The following CDK19 variants were observed in gnomAD, a reference collection of about 807,000 sequenced individuals.
CDK19 encodes cyclin dependent kinase 19.
In CDK19, 20 loss-of-function variants were observed where a neutral mutation model predicts 68.3. The observed-to-expected ratio is 0.29, with a 90% CI of 0.21 to 0.43. The LOEUF (loss-of-function observed/expected upper bound fraction) is 0.43. Ranked by LOEUF, CDK19 falls within the 20% of genes least tolerant of loss-of-function variation. The pLI is 1.00. For missense variants in CDK19, 339 were observed against 623.5 expected (o/e 0.54, Z 4.86); for synonymous variants, 221 against 222.8 (o/e 0.99, Z 0.07).
At chr6:110,767,562 G>A (rs556882846) in intron 1 of CDK19, among the ~76,000 whole-genome samples, 51 of 145,460 alleles carry the variant, frequency 3.5e-4, no homozygotes, top group South Asian at 4.8e-4. Flanking sequence ...CACCATGTTG[G>A]CCAGGCTGGT....
intron 12 of CDK19, among the ~76,000 whole-genome samples, chr6:110,615,192 T>G (rs1778234597): frequency 6.6e-6 from 1 of 152,104 alleles, no homozygotes; most frequent in South Asian, 2.1e-4. Context: ...AAGGCAAGAT[T>G]AGGTGGGGTG....
chr6:110,622,915 AG>A lies in CDK19; in HGVS notation c.934-4del. 6.3e-7 allele frequency: 1 copy of A among 1,578,622 alleles called. No individual in the cohort carries two copies. The highest frequency in any genetic ancestry group is 8.7e-7 in the Non-Finnish European group (1 of 1,147,410). The stretch of plus-strand genomic sequence containing the variant: ...TCCATGGTCAGGAGTTTCTGAAGCT[AG>A]AGTGACACACAGGAAATGTACAGCA... On this transcript the variant is annotated splice_region_variant and splice_polypyrimidine_tract_variant and intron_variant, in intron 9 of 12. Coordinates refer to ENST00000368911, the MANE Select transcript of CDK19 (RefSeq NM_015076.5).
intron 1 of CDK19, among the ~76,000 whole-genome samples, chr6:110,804,488 G>A (rs984927526): frequency 2.0e-5 from 3 of 151,446 alleles, no homozygotes; most frequent in Non-Finnish European, 1.5e-5. Flanking sequence ...GACTACTCAG[G>A]GTAGGTGCGT....
intron 12 of CDK19, among the ~76,000 whole-genome samples, chr6:110,618,783 T>C (rs750711372): frequency 6.6e-6 from 1 of 151,232 alleles, no homozygotes; most frequent in African/African-American, 2.4e-5. Context: ...CGCAAGACCC[T>C]GTAAAACTTC....
At chr6:110,693,442 G>C in intron 2 of CDK19, among the ~76,000 whole-genome samples, 1 of 152,202 alleles carries the variant, frequency 6.6e-6, no homozygotes, top group Non-Finnish European at 1.5e-5. Flanking sequence ...CCCGGTCTCC[G>C]GCAGGTGGGA....
At chr6:110,677,108 A>G (rs1054679816) in intron 2 of CDK19, among the ~76,000 whole-genome samples, 1 of 152,226 alleles carries the variant, frequency 6.6e-6, no homozygotes, top group African/African-American at 2.4e-5. Flanking sequence ...AATGTTACCT[A>G]TATCTATTTT....
chr6:110,728,302 A>AAAAG (rs1776496029), intron 2 of CDK19, among the ~76,000 whole-genome samples: 1 of 150,414 alleles, frequency 6.6e-6, no homozygotes, highest in African/African-American at 2.5e-5. Context: ...AAAAAAAAAA[A>AAAAG]AGAGAGAGAG....
At chr6:110,641,575 A>G (rs1780169473) in intron 4 of CDK19, among the ~76,000 whole-genome samples, 1 of 149,354 alleles carries the variant, frequency 6.7e-6, no homozygotes, top group Non-Finnish European at 1.5e-5. Flanking sequence ...AGCCTGGGCA[A>G]CAGAGTGAGA....
intron 2 of CDK19, among the ~76,000 whole-genome samples, chr6:110,713,601 G>T (rs978377808): frequency 2.0e-5 from 3 of 151,730 alleles, no homozygotes; most frequent in East Asian, 3.9e-4. Flanking sequence ...CTACTATGTT[G>T]CCCAGGCTGA....
chr6:110,623,799 C>CACATATACACATATATACACAT (rs1778883315), intron 8 of CDK19, among the ~76,000 whole-genome samples: 2 of 121,068 alleles, frequency 1.7e-5, no homozygotes, highest in Admixed American at 8.3e-5. Flanking sequence ...TATATACACA[C>CACATATACACATATATACACAT]ACATATACAC....
Position 110,755,650 on chromosome 6 carries a change from C to T in CDK19, c.129-9449G>A, listed in dbSNP as rs568651765. ...CCAAGCAATTAGCCAAAGACAAATA[C>T]AGCTAGAATACAAGAGGTGAAAAAA... On this transcript the variant is annotated intron_variant, in intron 1 of 12. Transcript: ENST00000368911. 3.9e-5 allele frequency among the ~76,000 whole-genome samples: 6 copies of T among 152,250 alleles called. No individual in the cohort carries two copies. In the East Asian group the frequency reaches 9.6e-4, roughly 24 times the overall value.
At chr6:110,708,199 G>A (rs1774671081) in intron 2 of CDK19, among the ~76,000 whole-genome samples, 1 of 152,132 alleles carries the variant, frequency 6.6e-6, no homozygotes, top group Non-Finnish European at 1.5e-5. Context: ...ACACTGGACA[G>A]TACAGATACT....
intron 2 of CDK19, among the ~76,000 whole-genome samples, chr6:110,725,796 A>AT (rs1457661497): frequency 9.2e-5 from 14 of 152,228 alleles, no homozygotes; most frequent in Admixed American, 9.2e-4. Context: ...GAGAGGGGAA[A>AT]TGTTGACTTA....
At chr6:110,751,652 C>T (rs755683954) in intron 1 of CDK19, among the ~76,000 whole-genome samples, 9 of 152,182 alleles carry the variant, frequency 5.9e-5, no homozygotes, top group Non-Finnish European at 1.2e-4. Context: ...CGAAACCCGT[C>T]CCTGGTCCCA....
chr6:110,631,673 T>C (rs986114516), intron 6 of CDK19, among the ~76,000 whole-genome samples: 5 of 152,196 alleles, frequency 3.3e-5, no homozygotes, highest in African/African-American at 1.2e-4. Flanking sequence ...ACTGCACTAC[T>C]CCTGTTTTTG....
chr6:110,809,800 A>G lies in CDK19; in HGVS notation c.128+5209T>C, dbSNP rs117765612. Among the ~76,000 whole-genome samples the G allele has an allele frequency of 4.6e-3, 695 of 152,344 alleles. 8 individuals carry two copies. Among genetic ancestry groups the G allele is most frequent in the East Asian group, 0.044 (227 of 5,186 alleles). ...TTGTGTATTATGTGACCAACTCTGT[A>G]CAAGGCACTGGACAGAATGATGATC... On this transcript the variant is annotated intron_variant, in intron 1 of 12. Transcript: ENST00000368911.
chr6:110,636,847 T>C (rs76108019), intron 5 of CDK19, among the ~76,000 whole-genome samples: 2,437 of 152,158 alleles, frequency 0.016, 68 homozygotes, highest in African/African-American at 0.055. Flanking sequence ...GAAGGGGAAA[T>C]AGCAATATTG....
intron 2 of CDK19, among the ~76,000 whole-genome samples, chr6:110,725,958 T>A (rs1330433306): frequency 6.6e-6 from 1 of 152,172 alleles, no homozygotes; most frequent in Non-Finnish European, 1.5e-5. Flanking sequence ...ATAAATAAAC[T>A]CTTTCAGAAA....
At chr6:110,738,229 G>A (rs1777392825) in intron 2 of CDK19, among the ~76,000 whole-genome samples, 1 of 151,918 alleles carries the variant, frequency 6.6e-6, no homozygotes, top group African/African-American at 2.4e-5. Context: ...ATAAAAACAA[G>A]CCAGGTGTGG....
Sources: allele counts gnomAD v4.1 joint callset (sites outside exome capture counted in the v4.1 genomes callset), GRCh38; gene constraint gnomAD v4.1.1; transcripts MANE v1.5; gene names NCBI Gene and HGNC (gene_info 2026-07-23, HGNC 2026-07-21).